BTBD3: variants seen among roughly 807,000 people sequenced by gnomAD.
BTBD3 encodes BTB domain containing 3.
A neutral mutation model predicts 41.6 loss-of-function variants in BTBD3; 14 were observed. That is an observed-to-expected ratio of 0.34 (90% confidence interval 0.22 to 0.53). The LOEUF (loss-of-function observed/expected upper bound fraction) is 0.53, where lower values mean the gene tolerates loss of function less well. Among genes scored for constraint, BTBD3 ranks in the 20% least tolerant of loss-of-function variants. The probability of loss-of-function intolerance (pLI) is 0.95; values close to 1 mark genes in which losing one functional copy is unlikely to be tolerated. For missense variants in BTBD3, 426 were observed against 654.7 expected (o/e 0.65, Z 3.81); for synonymous variants, 249 against 233.7 (o/e 1.07, Z -0.60).
upstream of BTBD3, among the ~76,000 whole-genome samples, chr20:11,916,938 C>A (rs1430995197): frequency 6.6e-6 from 1 of 152,098 alleles, no homozygotes; most frequent in Non-Finnish European, 1.5e-5. Context: ...TTGGAGGATT[C>A]ACACCTACAA....
chr20:11,906,286 A>C (rs1216618299), intron 1 of BTBD3, among the ~76,000 whole-genome samples: 1 of 12,178 alleles, frequency 8.2e-5, no homozygotes, highest in Non-Finnish European at 2.2e-4. Context: ...TTTTTTTGAG[A>C]CGGAGTCTCG....
chr20:11,898,893 C>T (rs1402992273), intron 1 of BTBD3, among the ~76,000 whole-genome samples: 1 of 152,168 alleles, frequency 6.6e-6, no homozygotes, highest in Non-Finnish European at 1.5e-5. Context: ...AAAGCCTGGC[C>T]AAGTGCCCTG....
intron 1 of BTBD3, among the ~76,000 whole-genome samples, chr20:11,909,127 A>C (rs1237709140): frequency 6.6e-6 from 1 of 151,926 alleles, no homozygotes; most frequent in Non-Finnish European, 1.5e-5. Context: ...ATACAAACTT[A>C]GCCCGGTGTG....
chr20:11,918,344 G>T lies in BTBD3; in HGVS notation c.69G>T (p.Lys23Asn). The change falls in exon 1 of 4, where the codon AAG becomes AAT. Residue 23 changes from lysine (K) to asparagine (N), a missense_variant. Around this residue, in one of 3 missense-constraint regions of BTBD3, gnomAD observed 53 missense variants for 74.8 expected, o/e 0.71. Transcript: ENST00000378226. Reference sequence around the variant, plus strand: ...TCTTGATGCTTCCAGAGACGGTAAAGAACAGGTCCAAGAAAAGCTCAAAGA... The same window carrying T: ...TCTTGATGCTTCCAGAGACGGTAAATAACAGGTCCAAGAAAAGCTCAAAGA... Reference protein sequence around the residue: ...TFFLMLPETVKNRSKKSSKKA... With the variant: ...TFFLMLPETVNNRSKKSSKKA... 3.1e-6 allele frequency: 5 copies of T among 1,613,766 alleles called. No homozygotes were observed. The highest frequency in any genetic ancestry group is 4.2e-6 in the Non-Finnish European group (5 of 1,179,918).
At chr20:11,904,412 C>T (rs2056841463) in intron 1 of BTBD3, among the ~76,000 whole-genome samples, 1 of 152,172 alleles carries the variant, frequency 6.6e-6, no homozygotes, top group Non-Finnish European at 1.5e-5. Context: ...CACCAGGTCC[C>T]TCCCTCAACA....
chr20:11,907,127 C>T (rs1030598062), intron 1 of BTBD3, among the ~76,000 whole-genome samples: 7 of 152,112 alleles, frequency 4.6e-5, no homozygotes, highest in Admixed American at 3.9e-4. Context: ...CCTGGTTAAC[C>T]CACACTTCTC....
At chr20:11,894,108 C>T (rs1034523399) in intron 1 of BTBD3, among the ~76,000 whole-genome samples, 5 of 152,206 alleles carry the variant, frequency 3.3e-5, no homozygotes, top group Non-Finnish European at 5.9e-5. Flanking sequence ...TCTTTAATCG[C>T]ATTTCCTTGG....
At position 11,918,619 on chromosome 20, in the gene BTBD3, C is replaced by T; in HGVS notation, c.326+18C>T. On this transcript the variant is annotated intron_variant, in intron 1 of 3. Coordinates refer to ENST00000378226, the MANE Select transcript of BTBD3 (RefSeq NM_014962.4). ...AGAGAGAGGTAAGTGCCGCGCTAGTCTATTTACTTTAAAAGTTTTCCTGTG... is the reference window on the plus strand; with the variant it reads ...AGAGAGAGGTAAGTGCCGCGCTAGTTTATTTACTTTAAAAGTTTTCCTGTG... The T allele has an allele frequency of 6.5e-7, 1 of 1,549,162 alleles. No individual in the cohort carries two copies. The highest frequency in any genetic ancestry group is 1.3e-5 in the South Asian group (1 of 79,508).
intron 3 of BTBD3, among the ~76,000 whole-genome samples, chr20:11,922,000 A>T (rs2056973798): frequency 6.6e-6 from 1 of 152,206 alleles, no homozygotes; most frequent in African/African-American, 2.4e-5. Context: ...TATATCTGGA[A>T]ATAATGTAAT....
chr20:11,919,672 A>G (rs770066602), intron 2 of BTBD3, 46 bp from the exon 3 acceptor site: 2 of 1,558,452 alleles, frequency 1.3e-6, no homozygotes, highest in East Asian at 2.2e-5. Context: ...TTTGCTGGAA[A>G]TGCCTTCAAT....
At chr20:11,922,302 A>AT (rs1210879062) in intron 3 of BTBD3, among the ~76,000 whole-genome samples, 3 of 152,110 alleles carry the variant, frequency 2.0e-5, no homozygotes, top group African/African-American at 7.2e-5. Flanking sequence ...GAATTTTGCT[A>AT]TTTTTTTGTA....
chr20:11,923,210 C>CAA lies in BTBD3; in HGVS notation c.1113_1114insAA (p.Pro372AsnfsTer69), dbSNP rs774383036. The stretch of plus-strand genomic sequence containing the variant: ...TGAGTAAAGCCCGTAAGGGCCTTGT[C>CAA]CCCCAGCGCTGTCACCGTTTCCAGT... On this transcript the variant is annotated frameshift_variant, in exon 4 of 4. Coordinates refer to ENST00000378226, the MANE Select transcript of BTBD3 (RefSeq NM_014962.4). LOFTEE classifies it high-confidence loss of function. This position sits in a 1 kb window ranked among gnomAD's most constrained non-coding sequence, Gnocchi z 5.3. 6.2e-7 allele frequency: 1 copy of CAA among 1,614,206 alleles called. No individual in the cohort carries two copies. Among genetic ancestry groups the CAA allele is most frequent in the Non-Finnish European group, 8.5e-7 (1 of 1,180,032 alleles).
chr20:11,923,784 G>A lies in BTBD3; in HGVS notation c.*118G>A. 2.0e-6 allele frequency: 2 copies of A among 1,007,942 alleles called. No individual in the cohort carries two copies. Among genetic ancestry groups the A allele is most frequent in the Admixed American group, 2.6e-5 (1 of 38,936 alleles). 62.4% of individuals were successfully genotyped at this position (1,007,942 alleles called of 1,614,324 possible). ...CCGGTAATTTGTAATGAATGAAGCG[G>A]TAGGCAGGTTCTAATTTCTTTTAAC... On this transcript the variant is annotated 3_prime_UTR_variant, in exon 4 of 4. Transcript: ENST00000378226. The surrounding 1 kb of genome is among the most constrained non-coding windows in gnomAD (Gnocchi z 5.3).
chr20:11,919,519 C>A, intron 2 of BTBD3, 199 bp from the exon 3 acceptor site: 1 of 1,197,050 alleles, frequency 8.4e-7, no homozygotes, highest in Non-Finnish European at 1.1e-6. Flanking sequence ...GCATTAATCT[C>A]TTAAAGCTTT....
upstream of BTBD3, among the ~76,000 whole-genome samples, chr20:11,916,366 C>G (rs2056917842): frequency 1.3e-5 from 2 of 152,286 alleles, no homozygotes; most frequent in Middle Eastern, 3.4e-3. Flanking sequence ...CTAGATCCCT[C>G]TCTAACATTG....
chr20:11,903,756 G>A (rs544902385), intron 1 of BTBD3, among the ~76,000 whole-genome samples: 22 of 151,974 alleles, frequency 1.4e-4, no homozygotes, highest in Non-Finnish European at 2.6e-4. Context: ...ACAGGTGCCC[G>A]CCACCATGCC....
At chr20:11,917,153 C>T (rs1335640607), upstream of BTBD3, among the ~76,000 whole-genome samples, 1 of 152,122 alleles carries the variant, frequency 6.6e-6, no homozygotes, top group East Asian at 1.9e-4. Flanking sequence ...CTGAACATGG[C>T]CCCATCTGAA....
Position 11,924,387 on chromosome 20 carries a change from A to G in BTBD3, c.*721A>G, listed in dbSNP as rs1187759832. 1 of 152,210 alleles carries G rather than the reference A, an allele frequency of 6.6e-6. No individual in the cohort carries two copies. Among genetic ancestry groups the G allele is most frequent in the Admixed American group, 6.5e-5 (1 of 15,280 alleles). 9.4% of individuals were successfully genotyped at this position (152,210 alleles called of 1,614,324 possible). A position where few individuals can be genotyped will look rare whatever the true frequency, so the allele number is the denominator to read the frequency against. ...ATACAGATACTTCTTTTAGAAGTAA[A>G]TTTTTAGATTTTATTGTCAGTAGAA... On this transcript the variant is annotated 3_prime_UTR_variant, in exon 4 of 4. Transcript: ENST00000378226.
At chr20:11,919,663 T>A in intron 2 of BTBD3, 55 bp from the exon 3 acceptor site, 1 of 1,534,796 alleles carries the variant, frequency 6.5e-7, no homozygotes, top group South Asian at 1.1e-5. Context: ...CTGCATTGAT[T>A]TGCTGGAAAT....
Sources: gnomAD v4.1 joint callset for allele counts (sites outside exome capture counted in the v4.1 genomes callset) on GRCh38, gnomAD v4.1.1 for gene constraint, gnomAD v4.1.1 regional missense constraint, Gnocchi (gnomAD v3.1) non-coding constraint, MANE v1.5 for transcripts, NCBI Gene and HGNC (gene_info 2026-07-23, HGNC 2026-07-21) for gene names.